TPCN2: variants seen among roughly 807,000 people sequenced by gnomAD.
TPCN2 encodes two pore channel protein 2.
Under a neutral mutation model 111.4 loss-of-function variants are expected in TPCN2, and 92 were observed. That is an observed-to-expected ratio of 0.83 (90% CI 0.70 to 0.98). The LOEUF (loss-of-function observed/expected upper bound fraction) is 0.98. TPCN2 is among the 50% of genes least tolerant of loss of function. The pLI is 0.00. For missense variants in TPCN2, 995 were observed against 980.1 expected (o/e 1.02, Z -0.20); for synonymous variants, 405 against 414.5 (o/e 0.98, Z 0.28).
Position 69,079,032 on chromosome 11 carries a change from G to T in TPCN2, c.1539+12G>T, listed in dbSNP as rs372985808. ...CCGTTGTCCTGCTGGTAAAGTAGGC[G>T]CATCCGAGGCCGGCCTCTACTGGGC... is the stretch of plus-strand genomic sequence containing the variant. On this transcript the variant is annotated intron_variant, in intron 16 of 24. Coordinates refer to ENST00000294309, the MANE Select transcript of TPCN2 (RefSeq NM_139075.4). The T allele has an allele frequency of 1.2e-4, 186 of 1,601,192 alleles. No homozygotes were observed. The highest frequency in any genetic ancestry group is 1.5e-4 in the Non-Finnish European group (175 of 1,173,492).
In TPCN2 at chr11:69,087,894, G is replaced by A. The variant is rs370966067; in HGVS notation, c.2200G>A (p.Gly734Arg). The A allele has an allele frequency of 5.0e-5, 80 of 1,612,556 alleles. No homozygotes were observed. The highest frequency in any genetic ancestry group is 2.7e-4 in the East Asian group (12 of 44,858). The stretch of plus-strand genomic sequence containing the variant: ...CCACAGGGATATTCTGGAGGAGCCC[G>A]GGGAGGATGAGCTCACAGAGAGGCT... ...LLFRDILEEP[G>R]EDELTERLSQ... The change falls in exon 25 of 25, where the codon GGG becomes AGG. Residue 734 changes from glycine (G) to arginine (R), a missense_variant. Coordinates refer to ENST00000294309, the MANE Select transcript of TPCN2 (RefSeq NM_139075.4).
In TPCN2 at chr11:69,071,417, G is replaced by A; in HGVS notation, c.957G>A (p.Leu319=). The A allele has an allele frequency of 6.2e-7, 1 of 1,612,962 alleles. No homozygotes were observed. The highest frequency in any genetic ancestry group is 8.5e-7 in the Non-Finnish European group (1 of 1,179,592). ...TCTACAGTCAGTTCCGGGGCTACCT[G>A]ATGGTGAGCGAGCTCCCCAATGCTG... is the stretch of plus-strand genomic sequence containing the variant. The part of the protein sequence containing the change: ...AIIYSQFRGY[L]MKSLQTSLFR... Residue 319 remains leucine, a synonymous_variant, in exon 10 of 25, where the codon CTG becomes CTA. Transcript: ENST00000294309.
At chr11:69,058,847 G>A (rs921583041) in intron 5 of TPCN2, among the ~76,000 whole-genome samples, 3 of 152,244 alleles carry the variant, frequency 2.0e-5, no homozygotes, top group African/African-American at 4.8e-5. Flanking sequence ...CCCTCCCACC[G>A]CCATTTCTGA....
chr11:69,053,949 G>A (rs1854629864), intron 1 of TPCN2, 84 bp from the exon 2 acceptor site: 2 of 1,209,864 alleles, frequency 1.7e-6, no homozygotes, highest in Non-Finnish European at 1.2e-6. Flanking sequence ...ACCACAGCCG[G>A]CATCTTTCCT....
At position 69,057,649 on chromosome 11, in the gene TPCN2, GTC is replaced by G; in HGVS notation, c.505_506del (p.Leu169GlyfsTer13). ...TGGGCTACCTCGTGGTGCTGGTGGT[GTC>G]TCTGGTGGACTGGACCGTGTCCCTG... is the stretch of plus-strand genomic sequence containing the variant. Reference protein sequence around the residue: ...LLGYLVVLVVSLVDWTVSLSL... With the variant: ...LLGYLVVLVVXLVDWTVSLSL... On this transcript the variant is annotated frameshift_variant, in exon 5 of 25. Transcript: ENST00000294309. LOFTEE classifies it high-confidence loss of function. 6.2e-7 allele frequency: 1 copy of G among 1,614,226 alleles called. No homozygotes were observed. Among genetic ancestry groups the G allele is most frequent in the Non-Finnish European group, 8.5e-7 (1 of 1,180,024 alleles).
intron 2 of TPCN2, chr11:69,054,308 C>G (rs372230810): frequency 8.4e-6 from 5 of 591,904 alleles, no homozygotes. Context: ...TTTGATGCAC[C>G]GTGTTCTGAG....
rs372298430 is a variant in TPCN2 at position 69,078,978 on chromosome 11, C to T, written c.1497C>T (p.Tyr499=). Residue 499 remains tyrosine (Y), a synonymous_variant, in exon 16 of 25, where the codon TAC becomes TAT. Transcript: ENST00000294309. ...TGGGCCTGCGAGGGTACCTGTCCTA[C>T]CCCAGCAACGTGTTTGACGGGCTCC... is the stretch of plus-strand genomic sequence containing the variant. ...FALGLRGYLS[Y]PSNVFDGLLT... 2.6e-5 allele frequency: 42 copies of T among 1,613,730 alleles called. 1 individual carries two copies. Among genetic ancestry groups the T allele is most frequent in the Non-Finnish European group, 2.7e-5 (32 of 1,179,910 alleles).
At chr11:69,051,059 G>T (rs891177247) in intron 1 of TPCN2, among the ~76,000 whole-genome samples, 4 of 152,254 alleles carry the variant, frequency 2.6e-5, no homozygotes, top group African/African-American at 9.6e-5. Context: ...TTCAGTCTCT[G>T]TGCTGAGGCC....
chr11:69,082,392 A>G (rs1441615172), intron 18 of TPCN2, among the ~76,000 whole-genome samples: 1 of 152,270 alleles, frequency 6.6e-6, no homozygotes, highest in Non-Finnish European at 1.5e-5. Context: ...GTTTGGATAC[A>G]ATACACATCA....
At chr11:69,070,226 T>C (rs961823676) in intron 8 of TPCN2, among the ~76,000 whole-genome samples, 1 of 152,146 alleles carries the variant, frequency 6.6e-6, no homozygotes, top group African/African-American at 2.4e-5. Flanking sequence ...AGTTTTACTA[T>C]GTTGGCCAGG....
chr11:69,056,253 C>T (rs918305532), intron 4 of TPCN2, among the ~76,000 whole-genome samples: 8 of 152,226 alleles, frequency 5.3e-5, no homozygotes, highest in Non-Finnish European at 1.0e-4. Flanking sequence ...GGCCTCTGCC[C>T]GGCACTGCCC....
chr11:69,054,517 T>C (rs973178116), intron 2 of TPCN2: 71 of 594,086 alleles, frequency 1.2e-4, no homozygotes, highest in Admixed American at 5.0e-4. Context: ...GTGTGTGGCC[T>C]GTGAGGTCTT....
rs187288910 is a variant in TPCN2, at chr11:69,074,134, C to A, written c.1230+1133C>A. On this transcript the variant is annotated intron_variant, in intron 13 of 24. Transcript: ENST00000294309. ...AGCAACTGTCAGCTGCTTCAGGATT[C>A]CTTGTCGGCCCCTGTGGCTGCAGGA... Among the ~76,000 whole-genome samples the A allele has an allele frequency of 2.7e-3, 411 of 152,354 alleles. 4 individuals are homozygous for A. The highest frequency in any genetic ancestry group is 5.1e-3 in the Non-Finnish European group (347 of 68,034).
At chr11:69,059,695 C>A (rs1371261301) in intron 5 of TPCN2, among the ~76,000 whole-genome samples, 2 of 152,226 alleles carry the variant, frequency 1.3e-5, no homozygotes, top group Non-Finnish European at 1.5e-5. Context: ...GACACAGTGC[C>A]CCACAGTTCA....
intron 18 of TPCN2, among the ~76,000 whole-genome samples, chr11:69,082,679 GT>G (rs1565094799): frequency 1.5e-5 from 2 of 136,090 alleles, no homozygotes; most frequent in African/African-American, 5.5e-5. Flanking sequence ...ACTCGTGCCC[GT>G]GTAAGACGCA....
At chr11:69,059,360 C>T (rs1162836438) in intron 5 of TPCN2, among the ~76,000 whole-genome samples, 1 of 152,128 alleles carries the variant, frequency 6.6e-6, no homozygotes, top group Non-Finnish European at 1.5e-5. Flanking sequence ...TGGAAGCATC[C>T]CCACCTTGGG....
rs997381476 is a variant in TPCN2 at position 69,087,839 on chromosome 11, A to C, written c.2181-36A>C. On this transcript the variant is annotated intron_variant, in intron 24 of 24. Coordinates refer to ENST00000294309, the MANE Select transcript of TPCN2 (RefSeq NM_139075.4). The stretch of plus-strand genomic sequence containing the variant: ...GGGCAGGCCAGGGTCTCCCTCCTTT[A>C]GAGGCCCCTGTGTGCATCTTTCCTC... 1.9e-6 allele frequency: 3 copies of C among 1,573,280 alleles called. No homozygotes were observed. In the African/African-American group the frequency reaches 4.0e-5, roughly 21 times the overall value.
At chr11:69,079,349 C>T (rs553699908) in intron 16 of TPCN2, 23 of 367,304 alleles carry the variant, frequency 6.3e-5, no homozygotes, top group African/African-American at 1.4e-4. Flanking sequence ...CACTGATAGA[C>T]GGTGTGACCT....
Position 69,085,261 on chromosome 11 carries a change from A to G in TPCN2, c.1813A>G (p.Ile605Val), listed in dbSNP as rs1395252328. The G allele has an allele frequency of 7.2e-7, 1 of 1,383,708 alleles. No homozygotes were observed. Among genetic ancestry groups the G allele is most frequent in the Non-Finnish European group, 9.7e-7 (1 of 1,035,476 alleles). 85.7% of individuals were successfully genotyped at this position (1,383,708 alleles called of 1,614,324 possible). A position where few individuals can be genotyped will look rare whatever the true frequency, so the allele number is the denominator to read the frequency against. ...TGGGATCAACTTGTTTAGAGGCGTC[A>G]TTGTGGCTCTTCCTGGAAACAGCAG... ...IIGINLFRGV[I>V]VALPGNSSLA... Residue 605 changes from isoleucine to valine, a missense_variant, in exon 20 of 25, where the codon ATT becomes GTT. Transcript: ENST00000294309.
Sources: allele counts gnomAD v4.1 joint callset (sites outside exome capture counted in the v4.1 genomes callset), GRCh38; gene constraint gnomAD v4.1.1; transcripts MANE v1.5; gene names NCBI Gene and HGNC (gene_info 2026-07-23, HGNC 2026-07-21).